PTPRN2: variants seen among roughly 807,000 people sequenced by gnomAD.
PTPRN2 encodes the protein receptor-type tyrosine-protein phosphatase N2.
PTPRN2 carries 74 observed loss-of-function variants against 118.8 expected under a neutral mutation model. The ratio of observed to expected loss-of-function variants is 0.62; its 90% CI spans 0.52 to 0.76. The LOEUF is 0.76. PTPRN2 is among the 30% of genes least tolerant of loss of function. The pLI is 0.00. For missense variants in PTPRN2, 1,481 were observed against 1,394.4 expected (o/e 1.06, Z -0.99); for synonymous variants, 641 against 608.0 (o/e 1.05, Z -0.80).
In PTPRN2 at chr7:158,536,963, G is replaced by A. The variant is rs527399241; in HGVS notation, c.113-47178C>T. Among the ~76,000 whole-genome samples, 6 of 152,316 alleles carry A rather than the reference G, an allele frequency of 3.9e-5. No individual in the cohort carries two copies. The East Asian group carries it at 5.8e-4, about 15-fold the overall frequency. On this transcript the variant is annotated intron_variant, in intron 1 of 22. Transcript: ENST00000389418. Reference sequence around the variant, plus strand: ...GTGTGAGTCCTCCCAAAACTCCTACGTGATGGTGTTAGGAGGGCCCTCTGG... The same window carrying A: ...GTGTGAGTCCTCCCAAAACTCCTACATGATGGTGTTAGGAGGGCCCTCTGG...
chr7:158,475,775 G>A (rs1317933967), intron 2 of PTPRN2, among the ~76,000 whole-genome samples: 1 of 152,124 alleles, frequency 6.6e-6, no homozygotes, highest in Non-Finnish European at 1.5e-5. Flanking sequence ...TGGTTAACGG[G>A]TAATTTATTC....
At chr7:158,297,627 T>C (rs762834652) in intron 3 of PTPRN2, among the ~76,000 whole-genome samples, 1 of 152,160 alleles carries the variant, frequency 6.6e-6, no homozygotes, top group African/African-American at 2.4e-5. Context: ...CAAAGAAATA[T>C]GGACTTAGTA....
chr7:158,337,759 G>GACGCCCATAGACGTCACTC (rs1805970393), intron 2 of PTPRN2, among the ~76,000 whole-genome samples: 1 of 90,080 alleles, frequency 1.1e-5, no homozygotes, highest in African/African-American at 4.3e-5. Flanking sequence ...CATAAGAGGT[G>GACGCCCATAGACGTCACTC]ACACCTGCAA....
At chr7:158,259,575 G>A (rs1797252390) in intron 3 of PTPRN2, among the ~76,000 whole-genome samples, 1 of 152,184 alleles carries the variant, frequency 6.6e-6, no homozygotes, top group Admixed American at 6.5e-5. Context: ...TATAACAAGA[G>A]CCCAAGAGTG....
chr7:157,651,848 G>A (rs1031466512), intron 14 of PTPRN2, among the ~76,000 whole-genome samples: 15 of 152,236 alleles, frequency 9.9e-5, no homozygotes, highest in Admixed American at 2.0e-4. Flanking sequence ...GTTGCCTTTC[G>A]GCCGTTTCCA....
At position 157,878,328 on chromosome 7, in the gene PTPRN2, G is replaced by A. The variant is rs373659302; in HGVS notation, c.1788+20345C>T. ...ACTCACCGAGGAGCTCTCGGATTCC[G>A]TGGGGCTGGAAGGGTCAGTGTGATA... On this transcript the variant is annotated intron_variant, in intron 12 of 22. Transcript: ENST00000389418. Among the ~76,000 whole-genome samples the A allele has an allele frequency of 5.8e-3, 810 of 140,798 alleles. 10 individuals carry two copies. Among genetic ancestry groups the A allele is most frequent in the African/African-American group, 0.019 (710 of 36,906 alleles). The allele number at this position is 140,798 out of a possible 152,430, so 92.4% of individuals were successfully genotyped here.
At chr7:158,493,377 G>A (rs1821601180) in intron 1 of PTPRN2, among the ~76,000 whole-genome samples, 2 of 137,280 alleles carry the variant, frequency 1.5e-5, no homozygotes, top group South Asian at 5.0e-4. Flanking sequence ...ATACACACAT[G>A]CACACACTCA....
Position 158,461,613 on chromosome 7 carries a change from T to G in PTPRN2, c.163+28122A>C, listed in dbSNP as rs553114999. Among the ~76,000 whole-genome samples, 4 of 152,314 alleles carry G rather than the reference T, an allele frequency of 2.6e-5. No homozygotes were observed. The South Asian group carries it at 6.2e-4, about 24-fold the overall frequency. ...TTCCAAAGCATAATTACGTACTTTTTCCAAAGCACTCAAATTCATTCTGTA... is the reference window on the plus strand; with the variant it reads ...TTCCAAAGCATAATTACGTACTTTTGCCAAAGCACTCAAATTCATTCTGTA... On this transcript the variant is annotated intron_variant, in intron 2 of 22. Coordinates refer to ENST00000389418, the MANE Select transcript of PTPRN2 (RefSeq NM_002847.5).
At chr7:157,697,413 C>T (rs1201934435) in intron 12 of PTPRN2, among the ~76,000 whole-genome samples, 1 of 127,194 alleles carries the variant, frequency 7.9e-6, no homozygotes, top group Non-Finnish European at 1.7e-5. Context: ...CCCATGCATA[C>T]TGGATCTTAG....
At chr7:157,720,285 C>T (rs530360730) in intron 12 of PTPRN2, among the ~76,000 whole-genome samples, 44 of 152,250 alleles carry the variant, frequency 2.9e-4, no homozygotes, top group African/African-American at 9.9e-4. Context: ...CCCATCATGC[C>T]GCGGTGACAC....
chr7:158,371,925 A>C (rs978269684), intron 2 of PTPRN2, among the ~76,000 whole-genome samples: 1 of 152,252 alleles, frequency 6.6e-6, no homozygotes, highest in South Asian at 2.1e-4. Flanking sequence ...GATGAACCTC[A>C]CACAGCTGGA....
Position 157,585,613 on chromosome 7 carries a change from A to G in PTPRN2, c.2497-7473T>C, listed in dbSNP as rs958360621. On this transcript the variant is annotated intron_variant, in intron 17 of 22. Coordinates refer to ENST00000389418, the MANE Select transcript of PTPRN2 (RefSeq NM_002847.5). The surrounding 1 kb of genome is among the most constrained non-coding windows in gnomAD (Gnocchi z 5.2). Reference sequence around the variant, plus strand: ...CTCCCTGTGGCCTCTGCCTGTGCTCACGTTCCCGGTTAAATATGCGCCTGG... The same window carrying G: ...CTCCCTGTGGCCTCTGCCTGTGCTCGCGTTCCCGGTTAAATATGCGCCTGG... Among the ~76,000 whole-genome samples, 15 of 152,324 alleles carry G rather than the reference A, an allele frequency of 9.8e-5. No individual in the cohort carries two copies. The highest frequency in any genetic ancestry group is 3.4e-3 in the Middle Eastern group (1 of 294).
In PTPRN2 at chr7:157,599,351, ACT is replaced by A. The variant is rs1407898572; in HGVS notation, c.2419-4038_2419-4037del. On this transcript the variant is annotated intron_variant, in intron 16 of 22. Coordinates refer to ENST00000389418, the MANE Select transcript of PTPRN2 (RefSeq NM_002847.5). ...AAATAAAGCCCATTTGTCTGTGTTG[ACT>A]CTGTTATCCCTTGGTTGACTGATTC... is the stretch of plus-strand genomic sequence containing the variant. Among the ~76,000 whole-genome samples the A allele has an allele frequency of 1.1e-4, 16 of 152,144 alleles. No homozygotes were observed. The East Asian group carries it at 3.1e-3, about 29-fold the overall frequency.
intron 3 of PTPRN2, among the ~76,000 whole-genome samples, chr7:158,240,526 T>C (rs562959530): frequency 6.6e-6 from 1 of 152,198 alleles, no homozygotes; most frequent in East Asian, 1.9e-4. Context: ...CCTCCTGGGG[T>C]CAAGTGATTC....
At chr7:158,264,441 C>T (rs1176959502) in intron 3 of PTPRN2, among the ~76,000 whole-genome samples, 1 of 152,170 alleles carries the variant, frequency 6.6e-6, no homozygotes, top group African/African-American at 2.4e-5. Flanking sequence ...GCTCTTCCTA[C>T]ATGCTGGACA....
At chr7:158,380,905 G>A (rs1300600052) in intron 2 of PTPRN2, among the ~76,000 whole-genome samples, 1 of 152,260 alleles carries the variant, frequency 6.6e-6, no homozygotes, top group African/African-American at 2.4e-5. Flanking sequence ...TGTGGAAGCT[G>A]CCAAGGCTTG....
chr7:158,402,473 G>C (rs892043292), intron 2 of PTPRN2, among the ~76,000 whole-genome samples: 1 of 152,144 alleles, frequency 6.6e-6, no homozygotes, highest in Non-Finnish European at 1.5e-5. Flanking sequence ...CTGAATTTAC[G>C]TTGGTGGGAG....
intron 1 of PTPRN2, among the ~76,000 whole-genome samples, chr7:158,512,121 A>G (rs1229161961): frequency 3.9e-5 from 6 of 152,232 alleles, no homozygotes; most frequent in African/African-American, 1.2e-4. Context: ...CTGCAGCATC[A>G]CAGATGTGTG....
At chr7:158,169,990 C>A (rs1476927613) in intron 5 of PTPRN2, among the ~76,000 whole-genome samples, 3 of 152,138 alleles carry the variant, frequency 2.0e-5, no homozygotes, top group Non-Finnish European at 4.4e-5. Context: ...CTGTGCCCAG[C>A]CATTATCTCT....
Sources: gnomAD v4.1 joint callset for allele counts (sites outside exome capture counted in the v4.1 genomes callset) on GRCh38, gnomAD v4.1.1 for gene constraint, Gnocchi (gnomAD v3.1) non-coding constraint, MANE v1.5 for transcripts, NCBI Gene and HGNC (gene_info 2026-07-23, HGNC 2026-07-21) for gene names.